Variants in CTDP1 observed in about 807,000 individuals in gnomAD.
CTDP1 encodes the protein CTD phosphatase 1, also known as RNA polymerase II subunit A C-terminal domain phosphatase.
A neutral mutation model predicts 91.8 loss-of-function variants in CTDP1; 47 were observed. The ratio of observed to expected loss-of-function variants is 0.51; its 90% CI spans 0.41 to 0.65. The LOEUF is 0.65. CTDP1 is among the 30% of genes least tolerant of loss of function. CTDP1 has a pLI of 0.00. For missense variants in CTDP1, 1,272 were observed against 1,373.7 expected, an observed-to-expected ratio of 0.93 and a Z score of 1.17; for synonymous variants, 656 against 598.5, an observed-to-expected ratio of 1.10 and a Z score of -1.40.
At chr18:79,683,342 C>T (rs2085413789) in intron 1 of CTDP1, among the ~76,000 whole-genome samples, 1 of 152,158 alleles carries the variant, frequency 6.6e-6, no homozygotes, top group Admixed American at 6.5e-5. Flanking sequence ...CTTAGAGTAC[C>T]CCTTTCAGAT....
At chr18:79,749,940 C>T (rs11878161) in intron 12 of CTDP1, 12 of 152,274 alleles carry the variant, frequency 7.9e-5, no homozygotes, top group East Asian at 5.8e-4. Flanking sequence ...AGGCCAGACT[C>T]GTGGCCCTGA....
chr18:79,748,924 G>T (rs1225752316), intron 12 of CTDP1, among the ~76,000 whole-genome samples: 2 of 152,066 alleles, frequency 1.3e-5, no homozygotes, highest in Non-Finnish European at 2.9e-5. Context: ...CCGTGTCTGT[G>T]TGTGAGCCGT....
intron 10 of CTDP1, among the ~76,000 whole-genome samples, chr18:79,725,950 C>T (rs564153902): frequency 6.6e-6 from 1 of 152,312 alleles, no homozygotes; most frequent in Admixed American, 6.5e-5. Context: ...ACGTTTTTCT[C>T]TGTCTTTAGC....
At chr18:79,716,168 C>T (rs952801779) in intron 8 of CTDP1, among the ~76,000 whole-genome samples, 4 of 152,236 alleles carry the variant, frequency 2.6e-5, no homozygotes, top group Non-Finnish European at 5.9e-5. Context: ...CCTGGATTTT[C>T]CGCGAATGAA....
At chr18:79,704,968 T>A in intron 5 of CTDP1, 51 bp downstream of exon 5, 2 of 1,608,096 alleles carry the variant, frequency 1.2e-6, no homozygotes, top group Non-Finnish European at 1.7e-6. Flanking sequence ...GTTTCTTTCC[T>A]GTTTTCGGTG....
intron 12 of CTDP1, among the ~76,000 whole-genome samples, chr18:79,742,181 TGA>T (rs35935192): frequency 0.2 from 20,315 of 99,528 alleles, 2,200 homozygotes; most frequent in East Asian, 0.38. Flanking sequence ...GCATGAAGCA[TGA>T]GAGAGAGAGA....
Position 79,715,425 on chromosome 18 carries a change from G to T in CTDP1, c.1965G>T (p.Arg655=). 1 of 1,599,142 alleles carries T rather than the reference G, an allele frequency of 6.3e-7. No homozygotes were observed. The highest frequency in any genetic ancestry group is 8.5e-7 in the Non-Finnish European group (1 of 1,172,834). The change falls in exon 8 of 13, where the codon CGG becomes CGT. Residue 655 remains arginine, a synonymous_variant. Transcript: ENST00000613122. ...HPTNFPIEKT[R]EHYHATALGA... ...CAAACTTCCCGATAGAGAAGACGCG[G>T]GAGCATTACCACGCCACGGCGCTGG...
At chr18:79,741,115 G>A (rs2086768133) in intron 12 of CTDP1, among the ~76,000 whole-genome samples, 1 of 149,926 alleles carries the variant, frequency 6.7e-6, no homozygotes, top group African/African-American at 2.5e-5. Flanking sequence ...CCGTGTGGTT[G>A]ATCTGTCCCT....
chr18:79,704,001 A>G (rs1471577689), intron 4 of CTDP1, among the ~76,000 whole-genome samples: 4 of 152,050 alleles, frequency 2.6e-5, no homozygotes, highest in Admixed American at 2.6e-4. Context: ...GGTGGTTATC[A>G]TGTAGTTACC....
chr18:79,689,939 A>G (rs1172162778), intron 1 of CTDP1, among the ~76,000 whole-genome samples: 4 of 152,092 alleles, frequency 2.6e-5, no homozygotes, highest in Admixed American at 6.5e-5. Flanking sequence ...GTCTTGAGGC[A>G]TTGCCGCCTT....
chr18:79,692,694 C>A (rs988437566), intron 1 of CTDP1, among the ~76,000 whole-genome samples: 6 of 151,934 alleles, frequency 3.9e-5, no homozygotes, highest in Non-Finnish European at 5.9e-5. Flanking sequence ...AGGAGCCCGC[C>A]GTGAGCTGGT....
At chr18:79,689,651 C>T (rs917676666) in intron 1 of CTDP1, among the ~76,000 whole-genome samples, 2 of 152,064 alleles carry the variant, frequency 1.3e-5, no homozygotes, top group Non-Finnish European at 2.9e-5. Context: ...CGTGATGGTG[C>T]GCACCTGCAG....
intron 8 of CTDP1, among the ~76,000 whole-genome samples, chr18:79,716,235 G>T (rs2086205846): frequency 6.6e-6 from 1 of 152,198 alleles, no homozygotes; most frequent in Non-Finnish European, 1.5e-5. Flanking sequence ...TCCTGAGAGG[G>T]CTTCTCAGTG....
chr18:79,748,570 C>T (rs1456506655), intron 12 of CTDP1, among the ~76,000 whole-genome samples: 1 of 152,190 alleles, frequency 6.6e-6, no homozygotes, highest in African/African-American at 2.4e-5. Flanking sequence ...AGGTCCAGGC[C>T]CCTGCTGTGA....
intron 5 of CTDP1, among the ~76,000 whole-genome samples, chr18:79,708,429 G>T (rs1403411654): frequency 6.6e-6 from 1 of 152,258 alleles, no homozygotes; most frequent in Non-Finnish European, 1.5e-5. Context: ...GAAAACAATA[G>T]TGATTATGTG....
chr18:79,721,715 T>C (rs2086348353), intron 10 of CTDP1, among the ~76,000 whole-genome samples: 1 of 152,164 alleles, frequency 6.6e-6, no homozygotes, highest in African/African-American at 2.4e-5. Flanking sequence ...ATCGCACCCC[T>C]GCGCTTCATC....
chr18:79,700,841 GACTA>G (rs771801412), intron 4 of CTDP1, among the ~76,000 whole-genome samples: 7 of 152,232 alleles, frequency 4.6e-5, no homozygotes, highest in Non-Finnish European at 1.0e-4. Flanking sequence ...TCTCGTTGGA[GACTA>G]ACTAATGCAG....
At chr18:79,680,979 A>G (rs1177963448) in intron 1 of CTDP1, 1 of 152,302 alleles carries the variant, frequency 6.6e-6, no homozygotes, top group Non-Finnish European at 1.5e-5. Context: ...TGGCTCTGGT[A>G]GTTTTGATTG....
intron 11 of CTDP1, chr18:79,736,142 G>C (rs1010860808): frequency 3.3e-5 from 21 of 627,020 alleles, no homozygotes; most frequent in Middle Eastern, 8.5e-4. Context: ...CGAACCGACT[G>C]GGTTTGCTCT....
Sources: allele counts gnomAD v4.1 joint callset (sites outside exome capture counted in the v4.1 genomes callset), GRCh38; gene constraint gnomAD v4.1.1; transcripts MANE v1.5; gene names NCBI Gene and HGNC (gene_info 2026-07-23, HGNC 2026-07-21).